Variants in LRRC7 observed in about 807,000 individuals in gnomAD.
The protein encoded by LRRC7 is leucine rich repeat containing 7, also known as leucine-rich repeat-containing protein 7.
A neutral mutation model predicts 175.7 loss-of-function variants in LRRC7; 23 were observed. The ratio of observed to expected loss-of-function variants is 0.13; its 90% confidence interval spans 0.09 to 0.19. The LOEUF (loss-of-function observed/expected upper bound fraction) is 0.19. Among genes scored for constraint, LRRC7 ranks in the 10% least tolerant of loss-of-function variants. The pLI is 1.00. For synonymous variants in LRRC7, 685 were observed against 680.9 expected (o/e 1.01, Z -0.09); for missense variants, 1,354 against 1,904.7 (o/e 0.71, Z 5.38).
chr1:69,746,051 A>G (rs1182262984), intron 2 of LRRC7, among the ~76,000 whole-genome samples: 1 of 151,874 alleles, frequency 6.6e-6, no homozygotes, highest in Non-Finnish European at 1.5e-5. Flanking sequence ...GTATCACCCA[A>G]ATATATTTCA....
chr1:69,893,391 G>A (rs529073937), intron 7 of LRRC7, among the ~76,000 whole-genome samples: 17 of 152,224 alleles, frequency 1.1e-4, no homozygotes, highest in East Asian at 1.9e-4. Flanking sequence ...TTTGAACTAC[G>A]CATTAACCTC....
chr1:69,658,455 A>G (rs1186495787), intron 1 of LRRC7, among the ~76,000 whole-genome samples: 1 of 152,042 alleles, frequency 6.6e-6, no homozygotes, highest in Admixed American at 6.6e-5. Flanking sequence ...CTAAAAAATT[A>G]GGAAGTAGCT....
intron 23 of LRRC7, among the ~76,000 whole-genome samples, chr1:70,071,812 C>T (rs1662409549): frequency 6.6e-6 from 1 of 152,018 alleles, no homozygotes; most frequent in African/African-American, 2.4e-5. Flanking sequence ...AAACAGATGA[C>T]CAAATTGAGT....
chr1:69,581,327 T>C (rs1403394747), intron 1 of LRRC7, among the ~76,000 whole-genome samples: 1 of 152,138 alleles, frequency 6.6e-6, no homozygotes, highest in African/African-American at 2.4e-5. Flanking sequence ...GGACAATAAA[T>C]TATCTTGGGC....
intron 4 of LRRC7, among the ~76,000 whole-genome samples, chr1:69,799,645 T>G (rs999711415): frequency 4.6e-5 from 7 of 152,124 alleles, no homozygotes; most frequent in Non-Finnish European, 8.8e-5. Flanking sequence ...CAAATTTTGC[T>G]ATAGTTTGCA....
chr1:69,930,691 A>G (rs1647279797), intron 7 of LRRC7, among the ~76,000 whole-genome samples: 1 of 152,170 alleles, frequency 6.6e-6, no homozygotes, highest in Admixed American at 6.5e-5. Flanking sequence ...TATATAGAAA[A>G]GAGGTTTAAT....
chr1:69,865,250 G>C (rs1043027544), intron 7 of LRRC7, among the ~76,000 whole-genome samples: 1 of 151,930 alleles, frequency 6.6e-6, no homozygotes, highest in African/African-American at 2.4e-5. Flanking sequence ...TGGTCAATAC[G>C]ACATCTGCAC....
intron 16 of LRRC7, among the ~76,000 whole-genome samples, chr1:70,022,664 C>T (rs1435537357): frequency 1.3e-5 from 2 of 151,986 alleles, no homozygotes; most frequent in Non-Finnish European, 2.9e-5. Flanking sequence ...TGAATATTTC[C>T]AATGCCATTG....
rs1659605495 is a variant in LRRC7, at chr1:70,038,976, G to A, written c.3152G>A (p.Ser1051Asn). The change falls in exon 21 of 27, where the codon AGT (serine) becomes AAT (asparagine). Residue 1051 changes from serine to asparagine, a missense_variant. This residue lies in a region of LRRC7 where 1,032 missense variants were observed against 1,227.2 expected (regional missense o/e 0.84). Transcript: ENST00000651989. The stretch of plus-strand genomic sequence containing the variant: ...GATGAGATGCTCACCTACGGAAGTA[G>A]TAAGGGGCCACAACAACAAAAAGCT... Reference protein sequence around the residue: ...LDDEMLTYGSSKGPQQQKASM... With the variant: ...LDDEMLTYGSNKGPQQQKASM... 1 of 1,613,986 alleles carries A rather than the reference G, an allele frequency of 6.2e-7. No individual in the cohort carries two copies. The highest frequency in any genetic ancestry group is 2.2e-5 in the East Asian group (1 of 44,822).
chr1:69,575,444 T>C, intron 1 of LRRC7, among the ~76,000 whole-genome samples: 1 of 152,200 alleles, frequency 6.6e-6, no homozygotes, highest in East Asian at 1.9e-4. Context: ...CCCTGAGTTT[T>C]TATTTGGCTT....
chr1:70,031,403 C>T (rs1353210461), intron 18 of LRRC7, among the ~76,000 whole-genome samples: 1 of 152,112 alleles, frequency 6.6e-6, no homozygotes, highest in Non-Finnish European at 1.5e-5. Context: ...CACTTCATCA[C>T]CTATGTGTTC....
intron 1 of LRRC7, among the ~76,000 whole-genome samples, chr1:69,620,587 C>A (rs907127202): frequency 2.6e-5 from 4 of 152,166 alleles, no homozygotes; most frequent in Admixed American, 6.5e-5. Flanking sequence ...TGGACAGTGT[C>A]TTGGTGTATG....
At chr1:69,675,072 A>G (rs1659588450) in intron 1 of LRRC7, among the ~76,000 whole-genome samples, 2 of 152,164 alleles carry the variant, frequency 1.3e-5, no homozygotes, top group Non-Finnish European at 2.9e-5. Flanking sequence ...ACCTAAAATC[A>G]TCCTTTAAGA....
intron 2 of LRRC7, among the ~76,000 whole-genome samples, chr1:69,752,200 G>T (rs1312895837): frequency 2.0e-5 from 3 of 152,212 alleles, no homozygotes; most frequent in East Asian, 3.9e-4. Context: ...TTTTAAAGAT[G>T]TTCTTGAAGT....
intron 1 of LRRC7, among the ~76,000 whole-genome samples, chr1:69,573,675 C>G (rs1405028514): frequency 6.6e-6 from 1 of 151,714 alleles, no homozygotes; most frequent in African/African-American, 2.4e-5. Flanking sequence ...GAAACATTAT[C>G]ATTTGTCATT....
chr1:69,698,963 ACTC>A (rs2100688195), intron 2 of LRRC7, among the ~76,000 whole-genome samples: 2 of 152,030 alleles, frequency 1.3e-5, no homozygotes, highest in South Asian at 4.2e-4. Context: ...AGTCAAACTT[ACTC>A]CTATCCCTTT....
intron 8 of LRRC7, among the ~76,000 whole-genome samples, chr1:69,937,276 A>G (rs1008975186): frequency 6.6e-6 from 1 of 152,236 alleles, no homozygotes; most frequent in East Asian, 1.9e-4. Flanking sequence ...ATGTTTTGTC[A>G]TTAATAATTG....
intron 2 of LRRC7, among the ~76,000 whole-genome samples, chr1:69,749,023 T>C (rs1669545940): frequency 6.6e-6 from 1 of 152,164 alleles, no homozygotes; most frequent in Non-Finnish European, 1.5e-5. Context: ...TCAAGAAACA[T>C]AGGTGGAATA....
intron 2 of LRRC7, among the ~76,000 whole-genome samples, chr1:69,709,094 T>A (rs1664426500): frequency 1.3e-5 from 2 of 152,240 alleles, no homozygotes; most frequent in African/African-American, 4.8e-5. Context: ...CTGTAACTAT[T>A]TGATTAGTGT....
Sources: allele counts gnomAD v4.1 joint callset (sites outside exome capture counted in the v4.1 genomes callset), GRCh38; gene constraint gnomAD v4.1.1; regional missense constraint gnomAD v4.1.1; transcripts MANE v1.5; gene names NCBI Gene and HGNC (gene_info 2026-07-23, HGNC 2026-07-21).